EDARADD: variants seen among roughly 807,000 people sequenced by gnomAD.
EDARADD encodes ectodysplasin-A receptor-associated adapter protein.
In EDARADD, 20 loss-of-function variants were observed where a neutral mutation model predicts 25.6. The ratio of observed to expected loss-of-function variants is 0.78; its 90% CI spans 0.55 to 1.14. The LOEUF (loss-of-function observed/expected upper bound fraction) is 1.14. Ranked by LOEUF, EDARADD falls within the 50% of genes most tolerant of loss-of-function variation. The pLI is 0.00. For synonymous variants in EDARADD, 86 were observed against 94.4 expected (o/e 0.91, Z 0.52); for missense variants, 225 against 270.1 (o/e 0.83, Z 1.17).
chr1:236,468,010 C>A (rs556698868), intron 4 of EDARADD, among the ~76,000 whole-genome samples: 1 of 152,210 alleles, frequency 6.6e-6, no homozygotes, highest in African/African-American at 2.4e-5. Context: ...ACTGGGACAG[C>A]ACAGGGAGCA....
chr1:236,356,954 C>G (rs1455212040), intron 3 of EDARADD, among the ~76,000 whole-genome samples: 1 of 152,012 alleles, frequency 6.6e-6, no homozygotes, highest in African/African-American at 2.4e-5. Flanking sequence ...CATGGTGGTG[C>G]ATGCCTGTAA....
rs1667552990 is a variant in EDARADD at position 236,398,145 on chromosome 1, G to C, written c.61+3640G>C. The stretch of plus-strand genomic sequence containing the variant: ...TATTTTTATTATTATTATTTTTCAA[G>C]ATGGAGTCTCACTCTGTCACCCAGG... On this transcript the variant is annotated intron_variant, in intron 1 of 5. Transcript: ENST00000334232. This position sits in a 1 kb window ranked among gnomAD's most constrained non-coding sequence, Gnocchi z 4.1. Among the ~76,000 whole-genome samples the C allele has an allele frequency of 2.0e-5, 3 of 152,022 alleles. No homozygotes were observed. Among genetic ancestry groups the C allele is most frequent in the Admixed American group, 1.3e-4 (2 of 15,270 alleles).
chr1:236,460,359 T>G (rs1659005843), intron 4 of EDARADD, among the ~76,000 whole-genome samples: 2 of 151,808 alleles, frequency 1.3e-5, no homozygotes, highest in African/African-American at 4.8e-5. Flanking sequence ...TTTTGTATAT[T>G]TTTTGTAGAG....
rs2103002081 is a variant in EDARADD at position 236,398,646 on chromosome 1, A to C, written c.61+4141A>C. ...ACCCTCGTGCCTCCTGGCCTTTGCA[A>C]ACTTTGTTCCTGCGGCCTGGAAGGA... On this transcript the variant is annotated intron_variant, in intron 1 of 5. Transcript: ENST00000334232. The surrounding 1 kb of genome is among the most constrained non-coding windows in gnomAD (Gnocchi z 4.1). Among the ~76,000 whole-genome samples the C allele has an allele frequency of 6.6e-6, 1 of 152,112 alleles. No homozygotes were observed. The highest frequency in any genetic ancestry group is 3.4e-3 in the Middle Eastern group (1 of 294).
At chr1:236,371,389 A>G (rs1374822294) in intron 3 of EDARADD, among the ~76,000 whole-genome samples, 1 of 152,068 alleles carries the variant, frequency 6.6e-6, no homozygotes, top group Non-Finnish European at 1.5e-5. Context: ...GACAGTGTTA[A>G]TTCTTCCTTC....
Position 236,405,917 on chromosome 1 carries a change from CTTT to C in EDARADD, c.62-3298_62-3296del, listed in dbSNP as rs1558112937. The stretch of plus-strand genomic sequence containing the variant: ...TCTTTCTTTCTTTCTTTCTTTCTTT[CTTT>C]CTTTCTCTTTCCTTTTTTTTTTCTG... On this transcript the variant is annotated intron_variant, in intron 1 of 5. Coordinates refer to ENST00000334232, the MANE Select transcript of EDARADD (RefSeq NM_145861.4). Among the ~76,000 whole-genome samples, 12 of 52,544 alleles carry C rather than the reference CTTT, an allele frequency of 2.3e-4. No homozygotes were observed. The South Asian group carries it at 4.4e-3, about 19-fold the overall frequency. The allele number at this position is 52,544 out of a possible 152,430, so 34.5% of individuals were successfully genotyped here.
intron 3 of EDARADD, among the ~76,000 whole-genome samples, chr1:236,415,320 T>G (rs1657607593): frequency 6.6e-6 from 1 of 152,146 alleles, no homozygotes; most frequent in Non-Finnish European, 1.5e-5. Context: ...AAAAGCAAAC[T>G]AAAAAAGCTA....
intron 4 of EDARADD, among the ~76,000 whole-genome samples, chr1:236,429,193 A>AGGGAGAGGGAGCGGGAGC (rs201819535): frequency 3.5e-5 from 5 of 143,640 alleles, no homozygotes; most frequent in South Asian, 2.3e-4. Context: ...GCAGAGGGAG[A>AGGGAGAGGGAGCGGGAGC]GGGAGCGGGA....
At chr1:236,438,472 T>C (rs1658318922) in intron 4 of EDARADD, among the ~76,000 whole-genome samples, 1 of 152,118 alleles carries the variant, frequency 6.6e-6, no homozygotes, top group South Asian at 2.1e-4. Context: ...ACCAGGGCTG[T>C]GGTGGGTGCC....
At chr1:236,377,726 C>T (rs1002306892) in intron 3 of EDARADD, among the ~76,000 whole-genome samples, 16 of 151,644 alleles carry the variant, frequency 1.1e-4, no homozygotes, top group East Asian at 3.9e-4. Context: ...GGCATGGTGG[C>T]GCATGTCTGT....
chr1:236,460,524 T>C (rs1659009913), intron 4 of EDARADD, among the ~76,000 whole-genome samples: 1 of 152,152 alleles, frequency 6.6e-6, no homozygotes, highest in South Asian at 2.1e-4. Flanking sequence ...GAGTATACTG[T>C]CAAATAATAG....
intron 3 of EDARADD, among the ~76,000 whole-genome samples, chr1:236,355,500 CTTTTTTTTTTT>C (rs563976436): frequency 2.7e-5 from 2 of 73,142 alleles, no homozygotes; most frequent in Non-Finnish European, 4.8e-5. Context: ...GCTTCTTCTT[CTTTTTTTTTTT>C]TTTTTTTTTT....
At chr1:236,351,379 G>C (rs637223) in intron 3 of EDARADD, among the ~76,000 whole-genome samples, 52,683 of 151,796 alleles carry the variant, frequency 0.35, 9,445 homozygotes, top group African/African-American at 0.44. Context: ...GACCTTGACC[G>C]TGGCCGGTGT....
chr1:236,465,295 C>T (rs775084621), intron 4 of EDARADD, among the ~76,000 whole-genome samples: 2 of 152,228 alleles, frequency 1.3e-5, no homozygotes, highest in Non-Finnish European at 2.9e-5. Context: ...GAGAGCCCCT[C>T]AGTGACTCCC....
intron 5 of EDARADD, among the ~76,000 whole-genome samples, chr1:236,478,547 C>T (rs370538784): frequency 1.3e-5 from 2 of 151,764 alleles, no homozygotes; most frequent in African/African-American, 4.8e-5. Flanking sequence ...TAATGGCATT[C>T]GCAGTAACCT....
rs79578216 is a variant in EDARADD, at chr1:236,482,778, A to G, written c.*129A>G. ...GAACAGTGGACACTGGTTTTCCCCA[A>G]AGCTGGCAGTTTTGTGGAGGGGTAG... On this transcript the variant is annotated 3_prime_UTR_variant, in exon 6 of 6. Coordinates refer to ENST00000334232, the MANE Select transcript of EDARADD (RefSeq NM_145861.4). The G allele has an allele frequency of 1.4e-6, 2 of 1,416,956 alleles. No homozygotes were observed. The highest frequency in any genetic ancestry group is 4.7e-5 in the East Asian group (2 of 42,660). The allele number at this position is 1,416,956 out of a possible 1,614,324, so 87.8% of individuals were successfully genotyped here.
chr1:236,413,075 G>A (rs551170205), intron 2 of EDARADD, among the ~76,000 whole-genome samples: 1 of 152,302 alleles, frequency 6.6e-6, no homozygotes, highest in African/African-American at 2.4e-5. Context: ...TGTTGGCGAG[G>A]CTGGTCTTGA....
chr1:236,476,587 A>G (rs672614), intron 5 of EDARADD, among the ~76,000 whole-genome samples: 5,409 of 151,272 alleles, frequency 0.036, 234 homozygotes, highest in African/African-American at 0.1. Flanking sequence ...GTGCAGTGGC[A>G]CGATCTCGGT....
intron 4 of EDARADD, among the ~76,000 whole-genome samples, chr1:236,430,670 T>A (rs1658071134): frequency 1.3e-5 from 2 of 152,366 alleles, no homozygotes; most frequent in Non-Finnish European, 2.9e-5. Context: ...CGTTGACTAT[T>A]TCTTTGTATA....
Sources: gnomAD v4.1 joint callset for allele counts (sites outside exome capture counted in the v4.1 genomes callset) on GRCh38, gnomAD v4.1.1 for gene constraint, Gnocchi (gnomAD v3.1) non-coding constraint, MANE v1.5 for transcripts, NCBI Gene and HGNC (gene_info 2026-07-23, HGNC 2026-07-21) for gene names.